Variants in PXK observed in about 807,000 individuals in gnomAD.
The protein encoded by PXK is PX domain-containing protein kinase-like protein.
A neutral mutation model predicts 84.7 loss-of-function variants in PXK; 35 were observed. That is an observed-to-expected ratio of 0.41 (90% CI 0.32 to 0.55). The LOEUF (loss-of-function observed/expected upper bound fraction) is 0.55, where lower values mean the gene tolerates loss of function less well. Among genes scored for constraint, PXK ranks in the 20% least tolerant of loss-of-function variants. The probability of loss-of-function intolerance (pLI) is 0.21; values close to 1 mark genes in which losing one functional copy is unlikely to be tolerated. For synonymous variants in PXK, 253 were observed against 260.8 expected, an observed-to-expected ratio of 0.97 and a Z score of 0.29; for missense variants, 634 against 699.7, an observed-to-expected ratio of 0.91 and a Z score of 1.06.
chr3:58,352,828 A>C (rs1480138604), intron 1 of PXK, among the ~76,000 whole-genome samples: 1 of 152,176 alleles, frequency 6.6e-6, no homozygotes, highest in Admixed American at 6.5e-5. Flanking sequence ...CTCTCCTGGT[A>C]GGGCAGGAGA....
chr3:58,424,704 A>G (rs11714515), intron 17 of PXK, 48 bp from the exon 18 acceptor site: 680,659 of 1,586,132 alleles, frequency 0.43, 155,096 homozygotes, highest in Middle Eastern at 0.56. Flanking sequence ...GCGTGTGTGC[A>G]GGGCAGCTGT....
rs1276037979 is a variant in PXK at position 58,411,861 on chromosome 3, A to G, written c.1466-1040A>G. Among the ~76,000 whole-genome samples, 1 of 152,150 alleles carries G rather than the reference A, an allele frequency of 6.6e-6. No individual in the cohort carries two copies. The highest frequency in any genetic ancestry group is 6.5e-5 in the Admixed American group (1 of 15,272). On this transcript the variant is annotated intron_variant, in intron 16 of 17. Transcript: ENST00000356151. The surrounding 1 kb of genome is among the most constrained non-coding windows in gnomAD (Gnocchi z 4.2). ...GTTTTACCTCCTTTTTCAGTAAAACACCCTCATATTTTATAGGGAACTGAG... is the reference window on the plus strand; with the variant it reads ...GTTTTACCTCCTTTTTCAGTAAAACGCCCTCATATTTTATAGGGAACTGAG...
At chr3:58,423,310 A>C (rs921242319) in intron 17 of PXK, 2 of 1,443,954 alleles carry the variant, frequency 1.4e-6, no homozygotes, top group South Asian at 2.9e-5. Context: ...AGCATAAAAC[A>C]TAACAATTTC....
Position 58,390,476 on chromosome 3 carries a change from TAA to T in PXK, c.389-102_389-101del. The T allele has an allele frequency of 1.5e-6, 1 of 652,922 alleles. No individual in the cohort carries two copies. 40.4% of individuals were successfully genotyped at this position (652,922 alleles called of 1,614,324 possible). A position where few individuals can be genotyped will look rare whatever the true frequency, so the allele number is the denominator to read the frequency against. On this transcript the variant is annotated intron_variant, in intron 4 of 17. Coordinates refer to ENST00000356151, the MANE Select transcript of PXK (RefSeq NM_017771.5). The surrounding 1 kb of genome is among the most constrained non-coding windows in gnomAD (Gnocchi z 4.2). ...TTTTTTTTTTGGTAATTAAGTTTTTTAAAAAGGTCATAGACTATAGGGATTTC... is the reference window on the plus strand; with the variant it reads ...TTTTTTTTTTGGTAATTAAGTTTTTTAAAGGTCATAGACTATAGGGATTTC...
In PXK at chr3:58,395,697, C is replaced by A. The variant is rs267599916; in HGVS notation, c.760C>A (p.Pro254Thr). The A allele has an allele frequency of 6.2e-6, 10 of 1,613,662 alleles. No individual in the cohort carries two copies. In the South Asian group the frequency reaches 1.1e-4, roughly 18 times the overall value. ...KDPFLKKYCN[P>T]KKIQGLELQQ... ...CCCATTTCTAAAGAAGTACTGCAAC[C>A]CTAAGAAGATTCAGGGCCTGGAACT... The change falls in exon 9 of 18, where the codon CCT (proline) becomes ACT (threonine). Residue 254 changes from proline (P) to threonine (T), a missense_variant. By Grantham distance (38) the Pro-to-Thr change is conservative. Transcript: ENST00000356151.
chr3:58,420,664 C>A (rs1259921366), intron 17 of PXK: 2 of 1,524,126 alleles, frequency 1.3e-6, no homozygotes, highest in East Asian at 2.5e-5. Flanking sequence ...AAGTGATGAA[C>A]AAGTGGGAAA....
At chr3:58,378,510 T>TGTGTGTGTGTGTGTGTGTGTG (rs1448463917) in intron 3 of PXK, among the ~76,000 whole-genome samples, 1 of 27,724 alleles carries the variant, frequency 3.6e-5, no homozygotes, top group African/African-American at 9.7e-5. Flanking sequence ...TTTTTTTTTT[T>TGTGTGTGTGTGTGTGTGTGTG]TTTGTGTGTG....
intron 17 of PXK, chr3:58,423,183 C>T (rs6767291): frequency 0.78 from 768,664 of 984,056 alleles, 300,530 homozygotes; most frequent in East Asian, 0.81. Flanking sequence ...GAGGAATGCT[C>T]ATCACACATG....
chr3:58,421,176 G>C lies in PXK; in HGVS notation c.1529-3576G>C, dbSNP rs2061778425. 1 of 985,278 alleles carries C rather than the reference G, an allele frequency of 1.0e-6. No homozygotes were observed. The allele number at this position is 985,278 out of a possible 1,614,324, so 61.0% of individuals were successfully genotyped here. ...GGCTGGTAAGTCTGGTGTTACCCTA[G>C]TGTGGTCTCATGGCCACTTGGCCTC... On this transcript the variant is annotated intron_variant, in intron 17 of 17. Coordinates refer to ENST00000356151, the MANE Select transcript of PXK (RefSeq NM_017771.5). The surrounding 1 kb of genome is among the most constrained non-coding windows in gnomAD (Gnocchi z 5.5).
chr3:58,408,818 G>A (rs949532825), intron 13 of PXK, 106 bp from the exon 14 acceptor site: 25 of 869,600 alleles, frequency 2.9e-5, no homozygotes, highest in East Asian at 7.7e-5. Context: ...CACCGCGCCC[G>A]GCCGAAATGA....
intron 1 of PXK, among the ~76,000 whole-genome samples, chr3:58,347,211 G>T (rs1468682477): frequency 6.6e-6 from 1 of 152,126 alleles, no homozygotes; most frequent in African/African-American, 2.4e-5. Context: ...GGGCTCAAGG[G>T]ATTAGATAAT....
chr3:58,354,448 G>T (rs13066167), intron 1 of PXK, among the ~76,000 whole-genome samples: 2,143 of 143,260 alleles, frequency 0.015, 67 homozygotes, highest in African/African-American at 0.05. Context: ...CTGCTTCCTA[G>T]TTTTTTTTTT....
intron 17 of PXK, chr3:58,422,851 G>A (rs1302927333): frequency 1.0e-5 from 10 of 985,282 alleles, no homozygotes; most frequent in African/African-American, 1.7e-5. Flanking sequence ...AAGTACCGCC[G>A]CAGCCGAGAG....
rs141324745 is a variant in PXK at position 58,361,175 on chromosome 3, A to G, written c.103-4699A>G. On this transcript the variant is annotated intron_variant, in intron 1 of 17. Coordinates refer to ENST00000356151, the MANE Select transcript of PXK (RefSeq NM_017771.5). ...AGCCAGAATGTTGGCGCGCACCTGT[A>G]ATCCCAGCTACTCGAGAGGCTGAGG... 4.0e-5 allele frequency among the ~76,000 whole-genome samples: 6 copies of G among 150,840 alleles called. No homozygotes were observed. In the East Asian group the frequency reaches 1.2e-3, roughly 30 times the overall value.
At chr3:58,378,637 C>T (rs1030960027) in intron 3 of PXK, among the ~76,000 whole-genome samples, 7 of 150,012 alleles carry the variant, frequency 4.7e-5, no homozygotes, top group East Asian at 2.0e-4. Flanking sequence ...CAGGTTCAAG[C>T]GATTCTCCTG....
intron 1 of PXK, among the ~76,000 whole-genome samples, chr3:58,348,642 G>T (rs770021319): frequency 6.6e-6 from 1 of 152,044 alleles, no homozygotes; most frequent in African/African-American, 2.4e-5. Flanking sequence ...TAGGTGCAGT[G>T]ACTAATGCCT....
Position 58,370,952 on chromosome 3 carries a change from T to G in PXK, c.201+1474T>G, listed in dbSNP as rs1332626642. 6.6e-6 allele frequency among the ~76,000 whole-genome samples: 1 copy of G among 152,208 alleles called. No homozygotes were observed. Among genetic ancestry groups the G allele is most frequent in the Non-Finnish European group, 1.5e-5 (1 of 68,038 alleles). ...GGGGGAGGTTGCAGTGAGCCAAGAA[T>G]GCACCACGTTGCACTGCATCCTGGG... is the stretch of plus-strand genomic sequence containing the variant. On this transcript the variant is annotated intron_variant, in intron 3 of 17. Transcript: ENST00000356151. This position sits in a 1 kb window ranked among gnomAD's most constrained non-coding sequence, Gnocchi z 4.2.
At position 58,340,119 on chromosome 3, in the gene PXK, A is replaced by ATTT. The variant is rs547721745; in HGVS notation, c.102+7046_102+7048dup. Among the ~76,000 whole-genome samples, 861 of 125,830 alleles carry ATTT rather than the reference A, an allele frequency of 6.8e-3. 14 individuals carry two copies. Among genetic ancestry groups the ATTT allele is most frequent in the African/African-American group, 0.024 (798 of 33,936 alleles). The allele number at this position is 125,830 out of a possible 152,430, so 82.5% of individuals were successfully genotyped here. The stretch of plus-strand genomic sequence containing the variant: ...AGGCCCCAGCCACTGCGCCTGGCCG[A>ATTT]TTTTTTTTTTTTTTTTTTTAAGACA... On this transcript the variant is annotated intron_variant, in intron 1 of 17. Transcript: ENST00000356151.
rs1479913411 is a variant in PXK at position 58,333,372 on chromosome 3, G to C, written c.102+282G>C. On this transcript the variant is annotated intron_variant, in intron 1 of 17. Transcript: ENST00000356151. This position sits in a 1 kb window ranked among gnomAD's most constrained non-coding sequence, Gnocchi z 5.4. Reference sequence around the variant, plus strand: ...CGACCAGGAAAGCGACTCCGAGTTGGGGGGCGGGGGCGGGGGCTGCGGGAT... The same window carrying C: ...CGACCAGGAAAGCGACTCCGAGTTGCGGGGCGGGGGCGGGGGCTGCGGGAT... 7 of 291,160 alleles carry C rather than the reference G, an allele frequency of 2.4e-5. No individual in the cohort carries two copies. In the Admixed American group the frequency reaches 2.8e-4, roughly 12 times the overall value. 18.0% of individuals were successfully genotyped at this position (291,160 alleles called of 1,614,324 possible).
Sources: allele counts gnomAD v4.1 joint callset (sites outside exome capture counted in the v4.1 genomes callset), GRCh38; gene constraint gnomAD v4.1.1; non-coding constraint Gnocchi (gnomAD v3.1); transcripts MANE v1.5; gene names NCBI Gene and HGNC (gene_info 2026-07-23, HGNC 2026-07-21).